Variants in SGCZ observed in about 807,000 individuals in gnomAD.
The protein encoded by SGCZ is zeta-sarcoglycan.
A neutral mutation model predicts 41.3 loss-of-function variants in SGCZ; 40 were observed. The observed-to-expected ratio is 0.97, with a 90% CI of 0.75 to 1.26. SGCZ has a LOEUF of 1.26. Ranked by LOEUF, SGCZ falls within the 50% of genes most tolerant of loss-of-function variation. The pLI, the probability that SGCZ is intolerant of heterozygous loss-of-function variation, is 0.00. For synonymous variants in SGCZ, 206 were observed against 137.5 expected, an observed-to-expected ratio of 1.50 and a Z score of -3.49; for missense variants, 552 against 369.8, an observed-to-expected ratio of 1.49 and a Z score of -4.04.
rs1359806491 is a variant in SGCZ, at chr8:14,552,358, CAAAG to C, written c.234+2370_234+2373del. Among the ~76,000 whole-genome samples the C allele has an allele frequency of 2.0e-5, 3 of 152,146 alleles. No homozygotes were observed. The East Asian group carries it at 5.8e-4, about 30-fold the overall frequency. On this transcript the variant is annotated intron_variant, in intron 2 of 7. Coordinates refer to ENST00000382080, the MANE Select transcript of SGCZ (RefSeq NM_139167.4). ...TTGAGCTAGAGAGTGTGTTACCTTACAAAGAGTGTGTCACCTTACAGTGTGATAC... is the reference window on the plus strand; with the variant it reads ...TTGAGCTAGAGAGTGTGTTACCTTACAGTGTGTCACCTTACAGTGTGATAC...
intron 2 of SGCZ, among the ~76,000 whole-genome samples, chr8:14,533,146 C>T (rs1172343585): frequency 6.6e-6 from 1 of 151,650 alleles, no homozygotes; most frequent in Non-Finnish European, 1.5e-5. Context: ...CTTCCCCACT[C>T]CCCCCACCCC....
rs746217292 is a variant in SGCZ, at chr8:14,324,121, T to C, written c.318A>G (p.Lys106=). The C allele has an allele frequency of 1.9e-6, 3 of 1,612,060 alleles. No homozygotes were observed. The African/African-American group carries it at 4.0e-5, about 22-fold the overall frequency. The change falls in exon 3 of 8, where the codon AAA becomes AAG. Residue 106 remains lysine, a synonymous_variant. Coordinates refer to ENST00000382080, the MANE Select transcript of SGCZ (RefSeq NM_139167.4). ...ISEFLLPLYV[K]EIHSRKDSPL... is the part of the protein sequence containing the mutation. Reference sequence around the variant, plus strand: ...CACATACCTTTCGAGAATGAATTTCTTTCACATACAATGGAAGTAGAAACT... The same window carrying C: ...CACATACCTTTCGAGAATGAATTTCCTTCACATACAATGGAAGTAGAAACT...
intron 1 of SGCZ, among the ~76,000 whole-genome samples, chr8:14,662,314 C>T (rs1563186667): frequency 6.6e-6 from 1 of 152,128 alleles, no homozygotes; most frequent in African/African-American, 2.4e-5. Flanking sequence ...TTGTCTGTTT[C>T]TGTGATTTCA....
At chr8:14,791,566 C>A (rs1218471601) in intron 1 of SGCZ, among the ~76,000 whole-genome samples, 3 of 152,158 alleles carry the variant, frequency 2.0e-5, no homozygotes, top group African/African-American at 7.2e-5. Flanking sequence ...CTGACAAAAT[C>A]ATCAGTCACC....
intron 1 of SGCZ, among the ~76,000 whole-genome samples, chr8:14,799,180 T>C (rs1386890921): frequency 2.0e-5 from 3 of 152,120 alleles, no homozygotes; most frequent in African/African-American, 4.8e-5. Flanking sequence ...ACACTTACTT[T>C]ATAAAGATAT....
intron 2 of SGCZ, among the ~76,000 whole-genome samples, chr8:14,334,417 C>G (rs183343565): frequency 1.3e-5 from 2 of 152,096 alleles, no homozygotes; most frequent in African/African-American, 4.8e-5. Flanking sequence ...TTTTGTGCAC[C>G]TAGTTAGCTA....
At chr8:15,082,585 C>G (rs970958540) in intron 1 of SGCZ, among the ~76,000 whole-genome samples, 1 of 152,034 alleles carries the variant, frequency 6.6e-6, no homozygotes, top group Non-Finnish European at 1.5e-5. Flanking sequence ...TTCTTGTACA[C>G]TGGGACACAT....
intron 1 of SGCZ, among the ~76,000 whole-genome samples, chr8:14,584,186 T>G (rs1423386402): frequency 6.6e-6 from 1 of 152,126 alleles, no homozygotes; most frequent in Non-Finnish European, 1.5e-5. Flanking sequence ...GGTGTTAGAC[T>G]TGAGAGGCAG....
chr8:14,233,138 C>T (rs1806632531), intron 4 of SGCZ, among the ~76,000 whole-genome samples: 2 of 151,962 alleles, frequency 1.3e-5, no homozygotes, highest in Admixed American at 1.3e-4. Flanking sequence ...TAAGATTATT[C>T]TTTTTCCAGT....
At chr8:15,152,919 A>C (rs749910506) in intron 1 of SGCZ, among the ~76,000 whole-genome samples, 7 of 152,168 alleles carry the variant, frequency 4.6e-5, no homozygotes, top group African/African-American at 2.4e-5. Flanking sequence ...CCACTGCTCC[A>C]GTCTCCTGGG....
At chr8:14,510,913 G>A (rs1384329728) in intron 2 of SGCZ, among the ~76,000 whole-genome samples, 1 of 152,122 alleles carries the variant, frequency 6.6e-6, no homozygotes. Context: ...AATGAAGATA[G>A]TGGCCTTCTC....
At chr8:15,037,295 C>G (rs1803908914) in intron 1 of SGCZ, among the ~76,000 whole-genome samples, 1 of 152,170 alleles carries the variant, frequency 6.6e-6, no homozygotes. Context: ...TTTATAGGGG[C>G]TTTCCCCACC....
intron 1 of SGCZ, among the ~76,000 whole-genome samples, chr8:14,897,238 A>G (rs908228184): frequency 1.3e-5 from 2 of 152,342 alleles, no homozygotes; most frequent in Admixed American, 6.5e-5. Context: ...ATGGTTGGTG[A>G]ATATAATTAA....
intron 1 of SGCZ, among the ~76,000 whole-genome samples, chr8:14,589,440 G>C (rs950869518): frequency 6.6e-6 from 1 of 151,532 alleles, no homozygotes; most frequent in Non-Finnish European, 1.5e-5. Flanking sequence ...ACATTCACCA[G>C]AAATGTCTGA....
chr8:14,502,525 A>G (rs190757411), intron 2 of SGCZ, among the ~76,000 whole-genome samples: 99 of 152,194 alleles, frequency 6.5e-4, no homozygotes, highest in Non-Finnish European at 1.1e-3. Flanking sequence ...TATACTGCTA[A>G]TAATAGTGAG....
intron 4 of SGCZ, among the ~76,000 whole-genome samples, chr8:14,171,648 T>G (rs1291555997): frequency 2.0e-5 from 3 of 152,072 alleles, no homozygotes; most frequent in Non-Finnish European, 2.9e-5. Context: ...AGAAACCATT[T>G]TAAATGGAGA....
chr8:14,751,652 A>T (rs1799500691), intron 1 of SGCZ, among the ~76,000 whole-genome samples: 3 of 152,116 alleles, frequency 2.0e-5, no homozygotes, highest in Admixed American at 6.6e-5. Context: ...TAGCATTTAA[A>T]ACCTGAGAGG....
At chr8:14,273,835 C>G (rs759119293) in intron 3 of SGCZ, among the ~76,000 whole-genome samples, 14 of 152,120 alleles carry the variant, frequency 9.2e-5, no homozygotes, top group Admixed American at 3.3e-4. Context: ...TATATTTTAT[C>G]TCAGCTCAAA....
rs564520581 is a variant in SGCZ, at chr8:14,796,381, G to C, written c.40-241455C>G. ...TGATCATTCCACCTTGGCGTCTCAA[G>C]TTGCTGGTATTACAGGTGTGAGCCA... On this transcript the variant is annotated intron_variant, in intron 1 of 7. Transcript: ENST00000382080. Among the ~76,000 whole-genome samples the C allele has an allele frequency of 4.6e-5, 7 of 151,816 alleles. 1 individual carries two copies. The highest frequency in any genetic ancestry group is 4.6e-4 in the Admixed American group (7 of 15,268).
Sources: allele counts gnomAD v4.1 joint callset (sites outside exome capture counted in the v4.1 genomes callset), GRCh38; gene constraint gnomAD v4.1.1; transcripts MANE v1.5; gene names NCBI Gene and HGNC (gene_info 2026-07-23, HGNC 2026-07-21).